The following PITPNC1 variants were observed in gnomAD, a reference collection of about 807,000 sequenced individuals.
PITPNC1 encodes phosphatidylinositol transfer protein cytoplasmic 1, also known as cytoplasmic phosphatidylinositol transfer protein 1.
In PITPNC1, 18 loss-of-function variants were observed where a neutral mutation model predicts 44.7. The observed-to-expected ratio is 0.40, with a 90% CI of 0.28 to 0.60. The LOEUF (loss-of-function observed/expected upper bound fraction) is 0.60. PITPNC1 is among the 20% of genes least tolerant of loss of function. The pLI, the probability that PITPNC1 is intolerant of heterozygous loss-of-function variation, is 0.39. For synonymous variants in PITPNC1, 141 were observed against 149.6 expected, an observed-to-expected ratio of 0.94 and a Z score of 0.42; for missense variants, 290 against 418.4, an observed-to-expected ratio of 0.69 and a Z score of 2.68.
chr17:67,500,577 C>T (rs1244914105), intron 1 of PITPNC1, among the ~76,000 whole-genome samples: 1 of 151,822 alleles, frequency 6.6e-6, no homozygotes, highest in Non-Finnish European at 1.5e-5. Flanking sequence ...GTAACAACCT[C>T]ATGAATATAC....
chr17:67,469,366 C>T (rs1054459797), intron 1 of PITPNC1, among the ~76,000 whole-genome samples: 1 of 152,136 alleles, frequency 6.6e-6, no homozygotes, highest in African/African-American at 2.4e-5. Context: ...GAGTGTGGGC[C>T]TCCAACCCTC....
intron 1 of PITPNC1, among the ~76,000 whole-genome samples, chr17:67,413,644 A>G (rs1056359368): frequency 6.6e-6 from 1 of 152,112 alleles, no homozygotes; most frequent in African/African-American, 2.4e-5. Flanking sequence ...AGTTTGATGC[A>G]TGCTGGGTGA....
intron 5 of PITPNC1, among the ~76,000 whole-genome samples, chr17:67,610,788 G>T (rs2041677079): frequency 6.6e-6 from 1 of 151,996 alleles, no homozygotes; most frequent in Admixed American, 6.6e-5. Context: ...GGGCACTGGG[G>T]CATGCGCCTG....
At chr17:67,419,846 C>T (rs1021488490) in intron 1 of PITPNC1, among the ~76,000 whole-genome samples, 3 of 151,080 alleles carry the variant, frequency 2.0e-5, no homozygotes, top group African/African-American at 2.5e-5. Flanking sequence ...GTGGAAGTTG[C>T]AGTGAGCCGA....
chr17:67,632,557 A>G (rs1039859902), intron 6 of PITPNC1: 19 of 262,740 alleles, frequency 7.2e-5, no homozygotes, highest in Non-Finnish European at 1.0e-4. Flanking sequence ...AGTCTCCCCA[A>G]TTACATGCGC....
intron 6 of PITPNC1, among the ~76,000 whole-genome samples, chr17:67,637,435 T>C (rs1015080303): frequency 3.3e-5 from 5 of 152,294 alleles, no homozygotes; most frequent in African/African-American, 7.2e-5. Context: ...CTGGATTTTT[T>C]TGATGCTGAT....
intron 1 of PITPNC1, among the ~76,000 whole-genome samples, chr17:67,420,513 A>G (rs147111401): frequency 0.029 from 4,255 of 145,650 alleles, 73 homozygotes; most frequent in South Asian, 0.047. Flanking sequence ...GCTCACTGCA[A>G]CCTCCACCTC....
At chr17:67,674,501 CA>C (rs66932178) in intron 7 of PITPNC1, among the ~76,000 whole-genome samples, 1,199 of 111,568 alleles carry the variant, frequency 0.011, 20 homozygotes, top group African/African-American at 0.038. Context: ...AAGACTGTCT[CA>C]AAAAAAAAAA....
intron 1 of PITPNC1, among the ~76,000 whole-genome samples, chr17:67,450,460 C>G (rs1462381784): frequency 6.6e-6 from 1 of 152,088 alleles, no homozygotes. Flanking sequence ...AAGCCTTGCT[C>G]TGTCACCCAG....
chr17:67,494,179 CTTTCTT>C (rs756028141), intron 1 of PITPNC1, among the ~76,000 whole-genome samples: 1,514 of 66,004 alleles, frequency 0.023, 35 homozygotes, highest in Middle Eastern at 0.076. Context: ...TTCTTTCTTT[CTTTCTT>C]TTTCTTTCTT....
intron 6 of PITPNC1, among the ~76,000 whole-genome samples, chr17:67,666,263 T>C (rs2042421008): frequency 6.6e-6 from 1 of 152,188 alleles, no homozygotes; most frequent in Non-Finnish European, 1.5e-5. Context: ...CACAAAGTAT[T>C]GGGATTAAAG....
rs570159603 is a variant in PITPNC1 at position 67,610,036 on chromosome 17, G to T, written c.367-22107G>T. On this transcript the variant is annotated intron_variant, in intron 5 of 8. Transcript: ENST00000581322. ...AATCTGATCATTTTCACAGTGACTG[G>T]CACCCAAGACCTTCTGTCGCCCGGC... Among the ~76,000 whole-genome samples the T allele has an allele frequency of 1.3e-4, 20 of 152,208 alleles. 1 individual carries two copies. The South Asian group carries it at 4.1e-3, about 32-fold the overall frequency.
At chr17:67,493,723 T>A (rs2039892626) in intron 1 of PITPNC1, among the ~76,000 whole-genome samples, 1 of 152,210 alleles carries the variant, frequency 6.6e-6, no homozygotes, top group African/African-American at 2.4e-5. Context: ...CTCAGAGGAC[T>A]GTTTTCCCTC....
Position 67,455,939 on chromosome 17 carries a change from T to C in PITPNC1, c.49-76863T>C, listed in dbSNP as rs551997251. Among the ~76,000 whole-genome samples the C allele has an allele frequency of 2.6e-5, 4 of 152,334 alleles. No homozygotes were observed. In the South Asian group the frequency reaches 8.3e-4, roughly 32 times the overall value. On this transcript the variant is annotated intron_variant, in intron 1 of 8. Coordinates refer to ENST00000581322, the MANE Select transcript of PITPNC1 (RefSeq NM_012417.4). The stretch of plus-strand genomic sequence containing the variant: ...AAAAACAATTCAAATATATAAAACA[T>C]GTACAGATAATAATGAAACGTACAC...
intron 1 of PITPNC1, among the ~76,000 whole-genome samples, chr17:67,473,165 C>T (rs1023821814): frequency 2.6e-5 from 4 of 151,962 alleles, no homozygotes; most frequent in Non-Finnish European, 2.9e-5. Context: ...TGTGAGCCAC[C>T]GTGCCCGGCC....
chr17:67,536,793 A>C (rs1300859049), intron 2 of PITPNC1, among the ~76,000 whole-genome samples: 1 of 152,208 alleles, frequency 6.6e-6, no homozygotes, highest in Non-Finnish European at 1.5e-5. Flanking sequence ...CCAATGAGAC[A>C]TGAGATTTTT....
intron 6 of PITPNC1, among the ~76,000 whole-genome samples, chr17:67,665,841 A>T (rs1252500900): frequency 8.8e-6 from 1 of 113,508 alleles, no homozygotes; most frequent in Non-Finnish European, 1.7e-5. Context: ...ATGACACTGA[A>T]GTACTTTTTT....
At chr17:67,579,843 G>A (rs1184203973) in intron 5 of PITPNC1, among the ~76,000 whole-genome samples, 1 of 151,962 alleles carries the variant, frequency 6.6e-6, no homozygotes, top group Non-Finnish European at 1.5e-5. Context: ...AGGAGGCTGA[G>A]GCAGGAGAAT....
intron 5 of PITPNC1, chr17:67,612,570 CT>C (rs2041700919): frequency 6.6e-6 from 1 of 152,204 alleles, no homozygotes; most frequent in South Asian, 2.1e-4. Flanking sequence ...GGACACTGCT[CT>C]TTCCACCATA....
Sources: allele counts gnomAD v4.1 joint callset (sites outside exome capture counted in the v4.1 genomes callset), GRCh38; gene constraint gnomAD v4.1.1; transcripts MANE v1.5; gene names NCBI Gene and HGNC (gene_info 2026-07-23, HGNC 2026-07-21).